Variants in EXD3 observed in about 807,000 individuals in gnomAD.
EXD3 encodes the protein exonuclease mut-7 homolog.
EXD3 carries 92 observed loss-of-function variants against 98.0 expected under a neutral mutation model. That is an observed-to-expected ratio of 0.94 (90% CI 0.79 to 1.12). EXD3 has a LOEUF of 1.12. EXD3 is among the 50% of genes most tolerant of loss of function. The pLI is 0.00. For synonymous variants in EXD3, 569 were observed against 526.0 expected, an observed-to-expected ratio of 1.08 and a Z score of -1.12; for missense variants, 1,222 against 1,191.6, an observed-to-expected ratio of 1.03 and a Z score of -0.38.
chr9:137,351,443 G>A lies in EXD3; in HGVS notation c.1259C>T (p.Ala420Val). Residue 420 changes from alanine (A) to valine (V), a missense_variant, in exon 13 of 22, where the codon GCC becomes GTC. Ala to Val is a moderately conservative substitution (Grantham distance 64). Coordinates refer to ENST00000340951, the MANE Select transcript of EXD3 (RefSeq NM_017820.5). ...GRPRPSLLQV[A>V]VEGHVFLLDV... The stretch of plus-strand genomic sequence containing the variant: ...CAGAAGGAACACGTGGCCCTCCACG[G>A]CCACCTGCAGGAGTGACGGCCGAGG... The A allele has an allele frequency of 6.2e-7, 1 of 1,604,658 alleles. No homozygotes were observed. Among genetic ancestry groups the A allele is most frequent in the Non-Finnish European group, 8.5e-7 (1 of 1,176,856 alleles).
intron 19 of EXD3, among the ~76,000 whole-genome samples, chr9:137,312,810 C>T (rs1831437372): frequency 6.6e-6 from 1 of 152,126 alleles, no homozygotes; most frequent in Admixed American, 6.5e-5. Flanking sequence ...AATTCCCACC[C>T]CCACCACCAA....
At chr9:137,342,788 T>C (rs539181660) in intron 17 of EXD3, among the ~76,000 whole-genome samples, 1 of 152,102 alleles carries the variant, frequency 6.6e-6, no homozygotes, top group Admixed American at 6.5e-5. Flanking sequence ...AAAGTGCAAA[T>C]AGCTAGGGAA....
intron 5 of EXD3, among the ~76,000 whole-genome samples, chr9:137,368,912 G>A (rs1351777556): frequency 6.8e-6 from 1 of 148,078 alleles, no homozygotes; most frequent in Non-Finnish European, 1.5e-5. Flanking sequence ...AGGGCTGTGG[G>A]CAGGGGCGCC....
Position 137,405,028 on chromosome 9 carries a change from G to A in EXD3, c.-47-9624C>T, listed in dbSNP as rs1427782039. 2.0e-5 allele frequency among the ~76,000 whole-genome samples: 3 copies of A among 152,112 alleles called. No individual in the cohort carries two copies. Among genetic ancestry groups the A allele is most frequent in the East Asian group, 1.9e-4 (1 of 5,186 alleles). On this transcript the variant is annotated intron_variant, in intron 1 of 21. Coordinates refer to ENST00000340951, the MANE Select transcript of EXD3 (RefSeq NM_017820.5). The surrounding 1 kb of genome is among the most constrained non-coding windows in gnomAD (Gnocchi z 4.1). Reference sequence around the variant, plus strand: ...CACAGTGCTATCCCCCAGGCGAGCCGGGTGCTGGGAGGGGACACGTGCTGT... The same window carrying A: ...CACAGTGCTATCCCCCAGGCGAGCCAGGTGCTGGGAGGGGACACGTGCTGT...
At position 137,420,972 on chromosome 9, in the gene EXD3, G is replaced by A. The variant is rs533668209; in HGVS notation, c.-48+2142C>T. ...TGGGACTACAGGTGAGCACCACTAT[G>A]CCCAGGTAATTTTTAAATTTTTTGT... is the stretch of plus-strand genomic sequence containing the variant. On this transcript the variant is annotated intron_variant, in intron 1 of 21. Coordinates refer to ENST00000340951, the MANE Select transcript of EXD3 (RefSeq NM_017820.5). Among the ~76,000 whole-genome samples, 4 of 152,220 alleles carry A rather than the reference G, an allele frequency of 2.6e-5. No individual in the cohort carries two copies. In the East Asian group the frequency reaches 7.7e-4, roughly 29 times the overall value.
At chr9:137,398,568 C>T (rs531828673) in intron 1 of EXD3, among the ~76,000 whole-genome samples, 35 of 150,686 alleles carry the variant, frequency 2.3e-4, no homozygotes, top group Admixed American at 1.6e-3. Flanking sequence ...CAGGCAACCG[C>T]GTCCCCAAGA....
chr9:137,413,491 C>T (rs568631602), intron 1 of EXD3, among the ~76,000 whole-genome samples: 35 of 150,482 alleles, frequency 2.3e-4, no homozygotes, highest in African/African-American at 6.4e-4. Context: ...TGAGCCACCG[C>T]GCCTGGCCTA....
intron 2 of EXD3, chr9:137,392,480 A>G (rs1836973922): frequency 1.1e-5 from 2 of 174,224 alleles, no homozygotes; most frequent in African/African-American, 4.8e-5. Context: ...AGGCGGGGCC[A>G]GCACAGGGGC....
intron 17 of EXD3, among the ~76,000 whole-genome samples, chr9:137,325,438 CT>C (rs925484387): frequency 3.2e-4 from 47 of 147,102 alleles, no homozygotes; most frequent in Admixed American, 3.4e-4. Flanking sequence ...CATCAGTTAA[CT>C]TTTTTTTTTT....
chr9:137,373,481 A>G lies in EXD3; in HGVS notation c.239T>C (p.Ile80Thr). 4 of 1,609,208 alleles carry G rather than the reference A, an allele frequency of 2.5e-6. No individual in the cohort carries two copies. The highest frequency in any genetic ancestry group is 3.4e-6 in the Non-Finnish European group (4 of 1,178,800). The change falls in exon 4 of 22, where the codon ATC becomes ACC. Residue 80 changes from isoleucine (I) to threonine (T), a missense_variant. Ile to Thr is a moderately conservative substitution (Grantham distance 89). Transcript: ENST00000340951. ...TAGCCAGCACTGCAGCTGGTGGGAG[A>G]TCCAGGCCGCCAGGGAGGGGCCCTC... ...RGEGPSLAAW[I>T]SHQLQCWLQA...
At position 137,317,073 on chromosome 9, in the gene EXD3, C is replaced by T. The variant is rs571563660; in HGVS notation, c.2184+6652G>A. Among the ~76,000 whole-genome samples, 6 of 152,178 alleles carry T rather than the reference C, an allele frequency of 3.9e-5. No homozygotes were observed. In the East Asian group the frequency reaches 1.2e-3, roughly 29 times the overall value. ...AGGGCGGCCCAGGTCATTCTCTGAG[C>T]GTGGCGGGCCTGGAGGGGGTGGGAA... On this transcript the variant is annotated intron_variant, in intron 19 of 21. Transcript: ENST00000340951.
intron 1 of EXD3, among the ~76,000 whole-genome samples, chr9:137,419,949 G>T (rs1838426814): frequency 6.6e-6 from 1 of 152,146 alleles, no homozygotes; most frequent in African/African-American, 2.4e-5. Flanking sequence ...CACGAGGTCA[G>T]GAGATCGAGA....
At position 137,309,616 on chromosome 9, in the gene EXD3, T is replaced by TG; in HGVS notation, c.2268dup (p.Arg757GlnfsTer5). The stretch of plus-strand genomic sequence containing the variant: ...ACCCTGACACACTCACCTGAGCTCC[T>TG]GGGCCCCTCCTGGTGACTGCTGAGC... On this transcript the variant is annotated frameshift_variant, in exon 20 of 22. Transcript: ENST00000340951. LOFTEE classifies it low-confidence loss of function (END_TRUNC). 6.4e-7 allele frequency: 1 copy of TG among 1,559,392 alleles called. No individual in the cohort carries two copies.
intron 17 of EXD3, among the ~76,000 whole-genome samples, chr9:137,331,680 C>T (rs1833069620): frequency 6.6e-6 from 1 of 152,132 alleles, no homozygotes; most frequent in Admixed American, 6.6e-5. Flanking sequence ...CTTTGGGAGG[C>T]CCAGGTGGGT....
intron 3 of EXD3, among the ~76,000 whole-genome samples, chr9:137,375,647 TGAGTTCTAGCTCTAGC>T (rs879811210): frequency 2.6e-5 from 4 of 152,054 alleles, no homozygotes; most frequent in East Asian, 1.9e-4. Context: ...CTAGCTCTAG[TGAGTTCTAGCTCTAGC>T]GAGTTCTAGC....
chr9:137,378,547 T>C (rs1247380682), intron 3 of EXD3, among the ~76,000 whole-genome samples: 1 of 151,862 alleles, frequency 6.6e-6, no homozygotes. Context: ...CACGCAGATG[T>C]TTGTAGATGA....
chr9:137,366,391 G>A (rs1249365005), intron 7 of EXD3, 102 bp downstream of exon 7: 3 of 1,474,574 alleles, frequency 2.0e-6, no homozygotes, highest in African/African-American at 2.8e-5. Flanking sequence ...ACTTCCTGGG[G>A]AGAGCTCTCC....
At chr9:137,382,850 G>A (rs1368345363) in intron 3 of EXD3, among the ~76,000 whole-genome samples, 1 of 152,180 alleles carries the variant, frequency 6.6e-6, no homozygotes, top group Non-Finnish European at 1.5e-5. Context: ...CCCACAGGGG[G>A]CCGGCCCTCC....
Position 137,393,312 on chromosome 9 carries a change from AG to A in EXD3, c.55+1990del, listed in dbSNP as rs1246520120. 5.8e-6 allele frequency: 4 copies of A among 694,782 alleles called. No individual in the cohort carries two copies. The East Asian group carries it at 8.1e-5, about 14-fold the overall frequency. The allele number at this position is 694,782 out of a possible 1,614,324, so 43.0% of individuals were successfully genotyped here. A position where few individuals can be genotyped will look rare whatever the true frequency, so the allele number is the denominator to read the frequency against. ...CTCCCCGGCCCTGACGGCGGTCTCC[AG>A]GGGAGGTAACAGGGCCTCATCCCAC... On this transcript the variant is annotated intron_variant, in intron 2 of 21. Coordinates refer to ENST00000340951, the MANE Select transcript of EXD3 (RefSeq NM_017820.5). This position sits in a 1 kb window ranked among gnomAD's most constrained non-coding sequence, Gnocchi z 4.6.
Sources: gnomAD v4.1 joint callset for allele counts (sites outside exome capture counted in the v4.1 genomes callset) on GRCh38, gnomAD v4.1.1 for gene constraint, Gnocchi (gnomAD v3.1) non-coding constraint, MANE v1.5 for transcripts, NCBI Gene and HGNC (gene_info 2026-07-23, HGNC 2026-07-21) for gene names.